WAPL: variants seen among roughly 807,000 people sequenced by gnomAD.
WAPL encodes wings apart-like protein homolog.
WAPL carries 5 observed loss-of-function variants against 121.0 expected under a neutral mutation model. The observed-to-expected ratio is 0.04, with a 90% CI of 0.02 to 0.09. The LOEUF (loss-of-function observed/expected upper bound fraction) is 0.09. Among genes scored for constraint, WAPL ranks in the 10% least tolerant of loss-of-function variants. WAPL has a pLI of 1.00. For synonymous variants in WAPL, 480 were observed against 481.5 expected (o/e 1.00, Z 0.04); for missense variants, 999 against 1,410.8 (o/e 0.71, Z 4.68).
intron 2 of WAPL, among the ~76,000 whole-genome samples, chr10:86,511,858 G>C (rs1842469261): frequency 6.6e-6 from 1 of 152,162 alleles, no homozygotes; most frequent in Non-Finnish European, 1.5e-5. Context: ...TTCAGCCCAG[G>C]AGGTAGAACC....
chr10:86,483,553 T>G (rs1273806576), intron 4 of WAPL, among the ~76,000 whole-genome samples: 1 of 152,086 alleles, frequency 6.6e-6, no homozygotes, highest in Non-Finnish European at 1.5e-5. Context: ...ATACTCCTTC[T>G]ACTTGTAAAA....
At chr10:86,488,645 A>G (rs1463486181) in intron 4 of WAPL, 1 of 152,258 alleles carries the variant, frequency 6.6e-6, no homozygotes, top group Non-Finnish European at 1.5e-5. Context: ...GATCAAACTA[A>G]TGACAGAACT....
chr10:86,477,788 A>C (rs1489169487), intron 4 of WAPL, among the ~76,000 whole-genome samples: 2 of 151,532 alleles, frequency 1.3e-5, no homozygotes, highest in Non-Finnish European at 2.9e-5. Context: ...GCAACAGAAA[A>C]GCAGATACAG....
chr10:86,498,395 T>TTTTTC (rs1842188594), intron 3 of WAPL, among the ~76,000 whole-genome samples: 1 of 152,106 alleles, frequency 6.6e-6, no homozygotes, highest in African/African-American at 2.4e-5. Flanking sequence ...ATGTATTTCT[T>TTTTTC]TTTTCTTTTT....
At chr10:86,444,935 C>T (rs111963063) in intron 16 of WAPL, among the ~76,000 whole-genome samples, 34 of 108,732 alleles carry the variant, frequency 3.1e-4, no homozygotes, top group African/African-American at 1.0e-3. Flanking sequence ...AACCTAGTAA[C>T]TGAGAAAAAG....
intron 17 of WAPL, among the ~76,000 whole-genome samples, chr10:86,442,101 A>G (rs1849484902): frequency 6.6e-6 from 1 of 152,172 alleles, no homozygotes; most frequent in South Asian, 2.1e-4. Flanking sequence ...ATCTTGGCTC[A>G]CTGCAAACTC....
chr10:86,480,093 G>C (rs1348695806), intron 4 of WAPL, among the ~76,000 whole-genome samples: 3 of 152,166 alleles, frequency 2.0e-5, no homozygotes, highest in Non-Finnish European at 4.4e-5. Context: ...GTACTATCAA[G>C]AATTAGAAAT....
chr10:86,485,184 C>T (rs1425920126), intron 4 of WAPL, among the ~76,000 whole-genome samples: 1 of 151,480 alleles, frequency 6.6e-6, no homozygotes, highest in Non-Finnish European at 1.5e-5. Context: ...CTTCAAGCCT[C>T]ATTTCCTGGG....
At position 86,472,282 on chromosome 10, in the gene WAPL, T is replaced by C. The variant is rs1303517676; in HGVS notation, c.1956A>G (p.Gln652=). ...FNDVVEFGEN[Q]EFTDDIEYLL... ...AGTACTCAATGTCATCAGTGAACTC[T>C]TGATTTTCACCAAATTCTACAACAT... Residue 652 remains glutamine, a synonymous_variant, in exon 7 of 19, where the codon CAA becomes CAG. Coordinates refer to ENST00000298767, the MANE Select transcript of WAPL (RefSeq NM_015045.5). This position sits in a 1 kb window ranked among gnomAD's most constrained non-coding sequence, Gnocchi z 4.2. 10 of 1,609,074 alleles carry C rather than the reference T, an allele frequency of 6.2e-6. No homozygotes were observed. The highest frequency in any genetic ancestry group is 7.6e-6 in the Non-Finnish European group (9 of 1,179,018).
chr10:86,458,066 T>C (rs1841190376), intron 12 of WAPL, among the ~76,000 whole-genome samples: 1 of 152,224 alleles, frequency 6.6e-6, no homozygotes, highest in South Asian at 2.1e-4. Context: ...ACAGATAAAC[T>C]AGAGTAAGAC....
chr10:86,451,314 A>G (rs527572257), intron 15 of WAPL, among the ~76,000 whole-genome samples: 97 of 152,162 alleles, frequency 6.4e-4, no homozygotes, highest in Admixed American at 2.7e-3. Flanking sequence ...ATAACAGTCG[A>G]AAAAAAATCA....
intron 11 of WAPL, 80 bp from the exon 12 acceptor site, chr10:86,459,145 G>A (rs546168040): frequency 2.2e-5 from 25 of 1,123,532 alleles, no homozygotes; most frequent in East Asian, 5.0e-5. Context: ...TGCCTGGTGC[G>A]TAAAAGATAC....
chr10:86,460,185 A>C (rs1010977275), intron 11 of WAPL, among the ~76,000 whole-genome samples: 2 of 152,222 alleles, frequency 1.3e-5, no homozygotes, highest in African/African-American at 4.8e-5. Context: ...CTAACATTTC[A>C]TTTGCAGCAA....
chr10:86,459,842 A>G (rs1241151691), intron 11 of WAPL, among the ~76,000 whole-genome samples: 1 of 152,208 alleles, frequency 6.6e-6, no homozygotes, highest in Admixed American at 6.5e-5. Context: ...GGGGCCCAGC[A>G]AAGTGTAACG....
intron 14 of WAPL, 44 bp from the exon 15 acceptor site, chr10:86,452,175 TAAAAC>T: frequency 6.3e-7 from 1 of 1,577,742 alleles, no homozygotes; most frequent in Non-Finnish European, 8.6e-7. Context: ...GATGAGTACT[TAAAAC>T]AAATGAACAC....
chr10:86,470,106 CACT>C (rs1841503066), intron 8 of WAPL, among the ~76,000 whole-genome samples: 1 of 151,770 alleles, frequency 6.6e-6, no homozygotes, highest in Non-Finnish European at 1.5e-5. Flanking sequence ...AACCTCAGAT[CACT>C]ACAACCTCCA....
chr10:86,506,848 C>A (rs1035041607), intron 2 of WAPL, among the ~76,000 whole-genome samples: 1 of 151,984 alleles, frequency 6.6e-6, no homozygotes, highest in African/African-American at 2.4e-5. Context: ...TTGCCCTACA[C>A]TGGACTAAGG....
chr10:86,491,457 T>C (rs1464340338), intron 4 of WAPL, among the ~76,000 whole-genome samples: 6 of 152,032 alleles, frequency 3.9e-5, no homozygotes, highest in African/African-American at 1.4e-4. Context: ...TTTTCAACAT[T>C]ATCTCCTAAC....
At chr10:86,446,560 T>A in intron 15 of WAPL, 111 bp from the exon 16 acceptor site, 1 of 1,203,962 alleles carries the variant, frequency 8.3e-7, no homozygotes, top group Non-Finnish European at 1.1e-6. Context: ...TCTAAGATGG[T>A]TATGTGATAA....
Sources: gnomAD v4.1 joint callset for allele counts (sites outside exome capture counted in the v4.1 genomes callset) on GRCh38, gnomAD v4.1.1 for gene constraint, Gnocchi (gnomAD v3.1) non-coding constraint, MANE v1.5 for transcripts, NCBI Gene and HGNC (gene_info 2026-07-23, HGNC 2026-07-21) for gene names.